GABRA2: variants seen among roughly 807,000 people sequenced by gnomAD.
The protein encoded by GABRA2 is gamma-aminobutyric acid type A receptor subunit alpha2, also known as gamma-aminobutyric acid receptor subunit alpha-2.
Under a neutral mutation model 48.7 loss-of-function variants are expected in GABRA2, and 16 were observed. That is an observed-to-expected ratio of 0.33 (90% confidence interval 0.22 to 0.50). The LOEUF (loss-of-function observed/expected upper bound fraction) is 0.50, where lower values mean the gene tolerates loss of function less well. Ranked by LOEUF, GABRA2 falls within the 20% of genes least tolerant of loss-of-function variation. The pLI, the probability that GABRA2 is intolerant of heterozygous loss-of-function variation, is 0.98. For synonymous variants in GABRA2, 185 were observed against 184.5 expected (o/e 1.00, Z -0.02); for missense variants, 275 against 535.6 (o/e 0.51, Z 4.80).
chr4:46,377,395 C>G (rs1454814965), intron 3 of GABRA2, among the ~76,000 whole-genome samples: 1 of 146,998 alleles, frequency 6.8e-6, no homozygotes, highest in South Asian at 2.2e-4. Flanking sequence ...CCGCCCCGTC[C>G]GGGATGTGAG....
chr4:46,284,448 T>C (rs138284089), intron 8 of GABRA2, among the ~76,000 whole-genome samples: 4 of 152,190 alleles, frequency 2.6e-5, no homozygotes, highest in Non-Finnish European at 5.9e-5. Flanking sequence ...TGTTCAAGGA[T>C]GTAAATAGCA....
At chr4:46,269,198 T>C (rs1276595433) in intron 8 of GABRA2, among the ~76,000 whole-genome samples, 2 of 151,922 alleles carry the variant, frequency 1.3e-5, no homozygotes, top group Non-Finnish European at 2.9e-5. Flanking sequence ...ATTTCTAATA[T>C]TCTCATTACA....
chr4:46,344,472 C>T lies in GABRA2; in HGVS notation c.188-11790G>A, dbSNP rs148458952. 5.7e-4 allele frequency among the ~76,000 whole-genome samples: 87 copies of T among 151,964 alleles called. 1 individual carries two copies. In the East Asian group the frequency reaches 0.012, roughly 21 times the overall value. Reference sequence around the variant, plus strand: ...GTTCAAAAAGCCGTGAGAAATTTGACTGTGAAGGGTAAGAGAACTCTAGCA... The same window carrying T: ...GTTCAAAAAGCCGTGAGAAATTTGATTGTGAAGGGTAAGAGAACTCTAGCA... On this transcript the variant is annotated intron_variant, in intron 3 of 9. Coordinates refer to ENST00000381620, the MANE Select transcript of GABRA2 (RefSeq NM_000807.4).
chr4:46,291,776 C>CAT lies in GABRA2; in HGVS notation c.856+11682_856+11683dup, dbSNP rs560142153. Among the ~76,000 whole-genome samples, 839 of 144,772 alleles carry CAT rather than the reference C, an allele frequency of 5.8e-3. 4 individuals are homozygous for CAT. Among genetic ancestry groups the CAT allele is most frequent in the Non-Finnish European group, 6.7e-3 (442 of 66,464 alleles). 95.0% of individuals were successfully genotyped at this position (144,772 alleles called of 152,430 possible). A position where few individuals can be genotyped will look rare whatever the true frequency, so the allele number is the denominator to read the frequency against. On this transcript the variant is annotated intron_variant, in intron 8 of 9. Coordinates refer to ENST00000381620, the MANE Select transcript of GABRA2 (RefSeq NM_000807.4). ...AGTTAATACTATTAATAAACACACA[C>CAT]ATATATATATATATACATATACATA...
chr4:46,308,984 T>C (rs749072218), intron 6 of GABRA2, among the ~76,000 whole-genome samples: 10 of 152,164 alleles, frequency 6.6e-5, no homozygotes, highest in Non-Finnish European at 1.2e-4. Context: ...AATAAGTCCT[T>C]CTCTGCTGCA....
At chr4:46,286,344 G>A (rs771562552) in intron 8 of GABRA2, among the ~76,000 whole-genome samples, 22 of 151,932 alleles carry the variant, frequency 1.4e-4, no homozygotes, top group Non-Finnish European at 2.4e-4. Context: ...TTGTACATTC[G>A]TTTGTTAATG....
At chr4:46,331,477 G>T (rs535564584) in intron 4 of GABRA2, among the ~76,000 whole-genome samples, 3 of 152,218 alleles carry the variant, frequency 2.0e-5, no homozygotes, top group African/African-American at 7.2e-5. Flanking sequence ...TATAAAAATG[G>T]AATACTTTTT....
chr4:46,368,436 A>C (rs530938256), intron 3 of GABRA2: 2 of 152,408 alleles, frequency 1.3e-5, no homozygotes, highest in South Asian at 2.1e-4. Flanking sequence ...GAAGAAAGAA[A>C]CCATCATTTT....
intron 9 of GABRA2, among the ~76,000 whole-genome samples, chr4:46,257,487 G>A (rs1716071911): frequency 6.6e-6 from 1 of 151,466 alleles, no homozygotes; most frequent in Admixed American, 6.6e-5. Flanking sequence ...GTGTGATTCT[G>A]ACCAAGTAAC....
chr4:46,249,680 G>A lies in GABRA2; in HGVS notation c.*628C>T, dbSNP rs200081434. 4 of 151,152 alleles carry A rather than the reference G, an allele frequency of 2.6e-5. No individual in the cohort carries two copies. Among genetic ancestry groups the A allele is most frequent in the Admixed American group, 6.6e-5 (1 of 15,112 alleles). The allele number at this position is 151,152 out of a possible 1,614,324, so 9.4% of individuals were successfully genotyped here. On this transcript the variant is annotated 3_prime_UTR_variant, in exon 10 of 10. Transcript: ENST00000381620. ...ATGACATTCCAATAGTTATTACATC[G>A]TAGGCATAATTAACATCCTTTCGGG...
At chr4:46,303,638 A>C in intron 7 of GABRA2, 26 bp from the exon 8 acceptor site, 2 of 1,598,968 alleles carry the variant, frequency 1.3e-6, no homozygotes, top group Non-Finnish European at 1.7e-6. Context: ...AAGAAGCTCA[A>C]GGAGTAATAG....
intron 3 of GABRA2, among the ~76,000 whole-genome samples, chr4:46,357,488 T>G (rs938440514): frequency 6.7e-6 from 1 of 150,126 alleles, no homozygotes. Context: ...ACTATGTGTA[T>G]AACCTTGGCC....
intron 8 of GABRA2, among the ~76,000 whole-genome samples, chr4:46,281,922 C>G (rs139878260): frequency 6.6e-6 from 1 of 152,132 alleles, no homozygotes; most frequent in Non-Finnish European, 1.5e-5. Flanking sequence ...GAGGTGCATT[C>G]CTGGAATAAT....
At chr4:46,273,468 CATAT>C (rs10686717) in intron 8 of GABRA2, among the ~76,000 whole-genome samples, 6 of 43,038 alleles carry the variant, frequency 1.4e-4, no homozygotes, top group Non-Finnish European at 8.6e-5. Context: ...CCATTCATTG[CATAT>C]ATATATATAT....
intron 8 of GABRA2, among the ~76,000 whole-genome samples, chr4:46,287,506 A>T (rs1722782218): frequency 6.6e-6 from 1 of 150,986 alleles, no homozygotes; most frequent in African/African-American, 2.4e-5. Context: ...GGAAATCATC[A>T]TTCTCAGTAA....
intron 8 of GABRA2, among the ~76,000 whole-genome samples, chr4:46,276,581 C>T (rs1720548260): frequency 7.1e-6 from 1 of 140,152 alleles, no homozygotes; most frequent in Non-Finnish European, 1.5e-5. Flanking sequence ...TCACCAAGAG[C>T]ATTACTGACT....
chr4:46,293,409 A>AC (rs1724045715), intron 8 of GABRA2, among the ~76,000 whole-genome samples: 1 of 152,186 alleles, frequency 6.6e-6, no homozygotes, highest in East Asian at 1.9e-4. Context: ...AAAGGCAAAT[A>AC]ATCAGACATT....
intron 7 of GABRA2, among the ~76,000 whole-genome samples, chr4:46,305,182 A>G (rs1014466908): frequency 7.0e-6 from 1 of 143,764 alleles, no homozygotes; most frequent in African/African-American, 2.6e-5. Flanking sequence ...CAAACACCAC[A>G]TGTTCTCACT....
chr4:46,308,327 T>G (rs1727058410), intron 6 of GABRA2, among the ~76,000 whole-genome samples: 1 of 152,142 alleles, frequency 6.6e-6, no homozygotes, highest in Non-Finnish European at 1.5e-5. Flanking sequence ...AAAAAAATGC[T>G]TCTTTTGATT....
Sources: gnomAD v4.1 joint callset for allele counts (sites outside exome capture counted in the v4.1 genomes callset) on GRCh38, gnomAD v4.1.1 for gene constraint, MANE v1.5 for transcripts, NCBI Gene and HGNC (gene_info 2026-07-23, HGNC 2026-07-21) for gene names.